CNDP1: variants seen among roughly 807,000 people sequenced by gnomAD.
CNDP1 encodes the protein beta-Ala-His dipeptidase.
Under a neutral mutation model 58.1 loss-of-function variants are expected in CNDP1, and 44 were observed. That is an observed-to-expected ratio of 0.76 (90% confidence interval 0.60 to 0.97). The LOEUF is 0.97. CNDP1 is among the 50% of genes least tolerant of loss of function. The pLI, the probability that CNDP1 is intolerant of heterozygous loss-of-function variation, is 0.00. For synonymous variants in CNDP1, 254 were observed against 252.6 expected, an observed-to-expected ratio of 1.01 and a Z score of -0.05; for missense variants, 616 against 655.1, an observed-to-expected ratio of 0.94 and a Z score of 0.65.
chr18:74,582,694 A>C (rs538771428), intron 10 of CNDP1, among the ~76,000 whole-genome samples: 1 of 152,332 alleles, frequency 6.6e-6, no homozygotes, highest in East Asian at 1.9e-4. Flanking sequence ...AAAGACAAGG[A>C]AATACTGAGA....
In CNDP1 at chr18:74,535,148, G is replaced by C. The variant is rs75610576; in HGVS notation, c.24+457G>C. Among the ~76,000 whole-genome samples the C allele has an allele frequency of 2.6e-5, 4 of 152,264 alleles. No homozygotes were observed. In the South Asian group the frequency reaches 6.2e-4, roughly 24 times the overall value. The stretch of plus-strand genomic sequence containing the variant: ...GGCTAAATCACCCCAGGCCTTTCTC[G>C]GCGAGGTTTCCATGGTTCAGGTGCA... On this transcript the variant is annotated intron_variant, in intron 1 of 11. Coordinates refer to ENST00000358821, the MANE Select transcript of CNDP1 (RefSeq NM_032649.6).
intron 7 of CNDP1, among the ~76,000 whole-genome samples, chr18:74,572,790 C>CAAAAAAAA (rs56059264): frequency 5.7e-4 from 34 of 59,914 alleles, no homozygotes; most frequent in East Asian, 2.7e-3. Flanking sequence ...GACCCTGTAT[C>CAAAAAAAA]AAAAAAAAAA....
chr18:74,570,243 A>AAATGATT (rs1555710609), intron 6 of CNDP1, among the ~76,000 whole-genome samples: 5 of 16,942 alleles, frequency 3.0e-4, no homozygotes, highest in African/African-American at 1.5e-3. Flanking sequence ...ATAAATAATT[A>AAATGATT]AAAAAAAAGA....
intron 6 of CNDP1, among the ~76,000 whole-genome samples, chr18:74,568,865 T>C (rs1420155490): frequency 6.6e-6 from 1 of 152,026 alleles, no homozygotes; most frequent in Non-Finnish European, 1.5e-5. Context: ...GCATGCTCAG[T>C]GGCCAGGGAC....
intron 9 of CNDP1, among the ~76,000 whole-genome samples, chr18:74,579,503 C>G (rs896845361): frequency 6.6e-6 from 1 of 152,028 alleles, no homozygotes; most frequent in African/African-American, 2.4e-5. Flanking sequence ...GCACCTAGAA[C>G]AGTCTCTGGG....
chr18:74,579,198 C>CCCTTT (rs1981719188), intron 9 of CNDP1, among the ~76,000 whole-genome samples: 4 of 110,272 alleles, frequency 3.6e-5, no homozygotes, highest in Non-Finnish European at 3.7e-5. Flanking sequence ...TCCTTCCCTT[C>CCCTTT]CCTTGCCTTC....
intron 1 of CNDP1, among the ~76,000 whole-genome samples, chr18:74,541,828 C>T (rs866884823): frequency 1.3e-5 from 2 of 152,348 alleles, no homozygotes; most frequent in African/African-American, 4.8e-5. Flanking sequence ...TCTTCAGAAG[C>T]ACTGTGGTTG....
intron 3 of CNDP1, 65 bp downstream of exon 3, chr18:74,559,537 G>T (rs540607694): frequency 2.2e-5 from 33 of 1,501,834 alleles, no homozygotes; most frequent in Admixed American, 1.3e-4. Flanking sequence ...GCCTTCCCGG[G>T]GGTGGCAAGG....
intron 8 of CNDP1, 26 bp downstream of exon 8, chr18:74,577,055 C>A: frequency 6.3e-7 from 1 of 1,588,636 alleles, no homozygotes; most frequent in Non-Finnish European, 8.6e-7. Context: ...GATGGATAAG[C>A]TGGAAGAGGC....
In CNDP1 at chr18:74,556,396, C is replaced by A; in HGVS notation, c.83C>A (p.Pro28His). 6.2e-7 allele frequency: 1 copy of A among 1,614,136 alleles called. No homozygotes were observed. The highest frequency in any genetic ancestry group is 8.5e-7 in the Non-Finnish European group (1 of 1,179,974). Reference sequence around the variant, plus strand: ...CTGGAGCGCGGCATGTTCTCCTCACCCTCCCCGCCCCCGGCGCTGTTAGAG... The same window carrying A: ...CTGGAGCGCGGCATGTTCTCCTCACACTCCCCGCCCCCGGCGCTGTTAGAG... The part of the protein sequence containing the change: ...LLLERGMFSS[P>H]SPPPALLEKV... Residue 28 changes from proline (P) to histidine (H), a missense_variant, in exon 2 of 12, where the codon CCC becomes CAC. Transcript: ENST00000358821.
chr18:74,551,391 C>CACACACAA (rs1555708879), intron 1 of CNDP1, among the ~76,000 whole-genome samples: 3 of 139,268 alleles, frequency 2.2e-5, no homozygotes, highest in African/African-American at 7.5e-5. Context: ...CACACACACA[C>CACACACAA]ACAAACAAAA....
At position 74,577,018 on chromosome 18, in the gene CNDP1, T is replaced by A; in HGVS notation, c.991T>A (p.Phe331Ile). 1 of 1,612,350 alleles carries A rather than the reference T, an allele frequency of 6.2e-7. No individual in the cohort carries two copies. Among genetic ancestry groups the A allele is most frequent in the South Asian group, 1.1e-5 (1 of 90,510 alleles). Residue 331 changes from phenylalanine to isoleucine, a missense_variant, in exon 8 of 12, where the codon TTC (phenylalanine) becomes ATC (isoleucine). Phe to Ile is a conservative substitution (Grantham distance 21, BLOSUM62 0). Transcript: ENST00000358821. ...TAGCAGCCGGGTTGAGAAATTTCTG[T>A]TCGATACTAAGGTATGGCCACAGAC... is the stretch of plus-strand genomic sequence containing the variant. ...RNSSRVEKFL[F>I]DTKEEILMHL...
chr18:74,567,745 A>C (rs1017135048), intron 6 of CNDP1, among the ~76,000 whole-genome samples: 3 of 152,218 alleles, frequency 2.0e-5, no homozygotes, highest in Non-Finnish European at 4.4e-5. Context: ...TATGGCAGCC[A>C]CAGGGAGGTA....
rs956161112 is a variant in CNDP1 at position 74,534,501 on chromosome 18, G to T, written c.-167G>T. On this transcript the variant is annotated 5_prime_UTR_variant, in exon 1 of 12. Transcript: ENST00000358821. ...ACCTCCGAAGCCGCTTTGTTCTCCA[G>T]ATGTGAATAGCTCCACTATACCAGC... 1.9e-5 allele frequency: 13 copies of T among 674,132 alleles called. No homozygotes were observed. The African/African-American group carries it at 2.2e-4, about 11-fold the overall frequency. 41.8% of individuals were successfully genotyped at this position (674,132 alleles called of 1,614,324 possible). A position where few individuals can be genotyped will look rare whatever the true frequency, so the allele number is the denominator to read the frequency against.
chr18:74,536,467 A>T (rs1428803232), intron 1 of CNDP1, among the ~76,000 whole-genome samples: 2 of 152,214 alleles, frequency 1.3e-5, no homozygotes, highest in East Asian at 3.8e-4. Context: ...AAAGGACATG[A>T]TCTCATTCTT....
intron 6 of CNDP1, among the ~76,000 whole-genome samples, chr18:74,569,812 G>A (rs1599098280): frequency 1.3e-5 from 2 of 152,134 alleles, no homozygotes; most frequent in South Asian, 4.2e-4. Flanking sequence ...GTATTGTAAA[G>A]CATACATTGT....
In CNDP1 at chr18:74,559,099, A is replaced by G. The variant is rs1210412151; in HGVS notation, c.154-224A>G. 2.6e-5 allele frequency among the ~76,000 whole-genome samples: 4 copies of G among 152,246 alleles called. No individual in the cohort carries two copies. In the South Asian group the frequency reaches 6.2e-4, roughly 24 times the overall value. On this transcript the variant is annotated intron_variant, in intron 2 of 11. Coordinates refer to ENST00000358821, the MANE Select transcript of CNDP1 (RefSeq NM_032649.6). Reference sequence around the variant, plus strand: ...CCCAGCCCGTCCTGCCTGACCTTCTATACTAACCAGGCGCCTCTGGCTTCT... The same window carrying G: ...CCCAGCCCGTCCTGCCTGACCTTCTGTACTAACCAGGCGCCTCTGGCTTCT...
At chr18:74,564,808 T>G (rs1218922738) in intron 5 of CNDP1, among the ~76,000 whole-genome samples, 1 of 152,196 alleles carries the variant, frequency 6.6e-6, no homozygotes, top group Non-Finnish European at 1.5e-5. Context: ...TAGTTACAAC[T>G]CCATTGCTGT....
Position 74,575,561 on chromosome 18 carries a change from G to A in CNDP1, c.842-1308G>A, listed in dbSNP as rs1981610119. ...AAATCTCAACATCTGCTGCTCTTAT[G>A]GATATTTAGTGATGATTTTTTCCAT... is the stretch of plus-strand genomic sequence containing the variant. On this transcript the variant is annotated intron_variant, in intron 7 of 11. Transcript: ENST00000358821. 3.9e-5 allele frequency among the ~76,000 whole-genome samples: 6 copies of A among 152,222 alleles called. No homozygotes were observed. In the South Asian group the frequency reaches 1.2e-3, roughly 32 times the overall value.
Sources: gnomAD v4.1 joint callset for allele counts (sites outside exome capture counted in the v4.1 genomes callset) on GRCh38, gnomAD v4.1.1 for gene constraint, MANE v1.5 for transcripts, NCBI Gene and HGNC (gene_info 2026-07-23, HGNC 2026-07-21) for gene names.